TENM2: variants seen among roughly 807,000 people sequenced by gnomAD.
The protein encoded by TENM2 is teneurin transmembrane protein 2.
Under a neutral mutation model 245.2 loss-of-function variants are expected in TENM2, and 52 were observed. That is an observed-to-expected ratio of 0.21 (90% CI 0.17 to 0.27). TENM2 has a LOEUF of 0.27. Among genes scored for constraint, TENM2 ranks in the 10% least tolerant of loss-of-function variants. The probability of loss-of-function intolerance (pLI) is 1.00; values close to 1 mark genes in which losing one functional copy is unlikely to be tolerated. For synonymous variants in TENM2, 1,363 were observed against 1,438.9 expected (o/e 0.95, Z 1.19); for missense variants, 3,046 against 3,666.8 (o/e 0.83, Z 4.37).
At chr5:167,003,572 G>T in the TENM2 span, among the ~76,000 whole-genome samples, 1 of 152,058 alleles carries the variant, frequency 6.6e-6, no homozygotes, top group Non-Finnish European at 1.5e-5. Context: ...CGAAAATGTC[G>T]GTTTAGTTTA....
chr5:167,797,394 C>G (rs986539038), intron 2 of TENM2, among the ~76,000 whole-genome samples: 1 of 152,140 alleles, frequency 6.6e-6, no homozygotes, highest in Admixed American at 6.5e-5. Flanking sequence ...TTTAACTGAA[C>G]AGCTCTTAGA....
At chr5:166,993,049 A>G in the TENM2 span, among the ~76,000 whole-genome samples, 3 of 151,650 alleles carry the variant, frequency 2.0e-5, no homozygotes, top group South Asian at 2.1e-4. Context: ...TCCTGCTTGC[A>G]TTTCTTAAAC....
At chr5:167,615,242 T>A (rs1357561812) in intron 2 of TENM2, among the ~76,000 whole-genome samples, 1 of 152,136 alleles carries the variant, frequency 6.6e-6, no homozygotes, top group East Asian at 1.9e-4. Flanking sequence ...TTTCTATATG[T>A]TTAGAAATAT....
At chr5:167,788,620 A>G (rs935249858) in intron 2 of TENM2, among the ~76,000 whole-genome samples, 15 of 152,214 alleles carry the variant, frequency 9.9e-5, no homozygotes, top group African/African-American at 3.6e-4. Flanking sequence ...GGTCTTCAAC[A>G]ACACTTTTCT....
chr5:167,907,983 T>C (rs1048227693), intron 3 of TENM2, among the ~76,000 whole-genome samples: 1 of 152,078 alleles, frequency 6.6e-6, no homozygotes, highest in African/African-American at 2.4e-5. Flanking sequence ...TAGATAACCA[T>C]AAGAGAGCCA....
At chr5:167,682,833 G>A (rs1160605013) in intron 2 of TENM2, among the ~76,000 whole-genome samples, 1 of 151,968 alleles carries the variant, frequency 6.6e-6, no homozygotes, top group Non-Finnish European at 1.5e-5. Flanking sequence ...CAAGACTTAT[G>A]GTATTAGATG....
At chr5:167,235,013 T>C in the TENM2 span, among the ~76,000 whole-genome samples, 3 of 152,194 alleles carry the variant, frequency 2.0e-5, no homozygotes, top group South Asian at 6.2e-4. Context: ...ACCATAACAA[T>C]GTACCACAAA....
intron 2 of TENM2, among the ~76,000 whole-genome samples, chr5:167,697,990 T>G (rs1262767323): frequency 2.0e-5 from 3 of 152,182 alleles, no homozygotes; most frequent in African/African-American, 2.4e-5. Context: ...TGATTAAATT[T>G]CTGTTTTATT....
At chr5:168,139,550 G>A (rs1414370334) in intron 12 of TENM2, 1 of 456,470 alleles carries the variant, frequency 2.2e-6, no homozygotes, top group Non-Finnish European at 4.4e-6. Context: ...GTAGGAGGTG[G>A]TTGGGCAGGC....
chr5:168,076,214 T>C (rs1791461091), intron 7 of TENM2, among the ~76,000 whole-genome samples: 1 of 105,792 alleles, frequency 9.5e-6, no homozygotes, highest in African/African-American at 3.3e-5. Context: ...TTTTATTTTA[T>C]TTTATTTTAT....
chr5:168,223,272 A>C (rs1763829312), intron 23 of TENM2, among the ~76,000 whole-genome samples: 1 of 152,166 alleles, frequency 6.6e-6, no homozygotes, highest in African/African-American at 2.4e-5. Flanking sequence ...AAGTGTCCCC[A>C]AACTACAGTG....
At position 168,150,810 on chromosome 5, in the gene TENM2, G is replaced by T. The variant is rs149709404; in HGVS notation, c.2423-11801G>T. Among the ~76,000 whole-genome samples, 356 of 152,292 alleles carry T rather than the reference G, an allele frequency of 2.3e-3. 1 individual carries two copies. Among genetic ancestry groups the T allele is most frequent in the Non-Finnish European group, 3.3e-3 (224 of 68,014 alleles). Reference sequence around the variant, plus strand: ...AGTGCATGGGCTGAGAGTTGCACAGGCCTGGATTCACACCCTCCCTTTACC... The same window carrying T: ...AGTGCATGGGCTGAGAGTTGCACAGTCCTGGATTCACACCCTCCCTTTACC... On this transcript the variant is annotated intron_variant, in intron 12 of 28. Coordinates refer to ENST00000518659, the Ensembl canonical transcript of TENM2.
intron 2 of TENM2, among the ~76,000 whole-genome samples, chr5:167,656,018 C>T (rs987392474): frequency 3.0e-4 from 46 of 152,214 alleles, no homozygotes; most frequent in African/African-American, 1.0e-3. Context: ...CATATTGCGC[C>T]GGGCCTTGTA....
chr5:167,704,500 T>C (rs1252743016), intron 2 of TENM2, among the ~76,000 whole-genome samples: 1 of 152,058 alleles, frequency 6.6e-6, no homozygotes, highest in East Asian at 1.9e-4. Flanking sequence ...TAAAATAATG[T>C]TTCACCCTCC....
At chr5:167,171,120 C>G in the TENM2 span, among the ~76,000 whole-genome samples, 1 of 152,144 alleles carries the variant, frequency 6.6e-6, no homozygotes, top group Non-Finnish European at 1.5e-5. Flanking sequence ...ATGACTGTTG[C>G]CCCTTTGGCT....
chr5:168,018,590 CAGGA>C (rs1785868960), intron 5 of TENM2, among the ~76,000 whole-genome samples: 2 of 151,930 alleles, frequency 1.3e-5, no homozygotes. Context: ...CAGGAAGTCC[CAGGA>C]AGGAATAGGA....
intron 2 of TENM2, among the ~76,000 whole-genome samples, chr5:167,446,703 G>A (rs902626495): frequency 3.3e-5 from 5 of 151,722 alleles, no homozygotes; most frequent in African/African-American, 1.2e-4. Context: ...CTTTTTTGGG[G>A]GGGGGGATTT....
At chr5:167,993,464 G>T (rs530407318) in intron 5 of TENM2, among the ~76,000 whole-genome samples, 2 of 152,120 alleles carry the variant, frequency 1.3e-5, no homozygotes, top group African/African-American at 4.8e-5. Flanking sequence ...TTTCATTCCC[G>T]CAAACCTATC....
intron 25 of TENM2, among the ~76,000 whole-genome samples, chr5:168,229,329 TC>T (rs1764609583): frequency 6.6e-6 from 1 of 151,144 alleles, no homozygotes; most frequent in East Asian, 2.0e-4. Flanking sequence ...TCCGTGGTCA[TC>T]CAGAGCTTCT....
Sources: gnomAD v4.1 joint callset for allele counts (sites outside exome capture counted in the v4.1 genomes callset) on GRCh38, gnomAD v4.1.1 for gene constraint, MANE v1.5 for transcripts, NCBI Gene and HGNC (gene_info 2026-07-23, HGNC 2026-07-21) for gene names.